TMEM243: variants seen among roughly 807,000 people sequenced by gnomAD.
The protein encoded by TMEM243 is MDR1 and mitochondrial taxol resistance associated.
Under a neutral mutation model 15.0 loss-of-function variants are expected in TMEM243, and 20 were observed. The observed-to-expected ratio is 1.33, with a 90% CI of 0.94 to 1.93. The LOEUF (loss-of-function observed/expected upper bound fraction) is 1.93, where lower values mean the gene tolerates loss of function less well. TMEM243 is among the 30% of genes most tolerant of loss of function. The probability of loss-of-function intolerance (pLI) is 0.00; values close to 1 mark genes in which losing one functional copy is unlikely to be tolerated. For missense variants in TMEM243, 156 were observed against 142.1 expected (o/e 1.10, Z -0.50); for synonymous variants, 72 against 52.7 (o/e 1.37, Z -1.59).
intron 1 of TMEM243, among the ~76,000 whole-genome samples, chr7:87,219,002 A>G (rs940242528): frequency 5.9e-5 from 9 of 152,074 alleles, no homozygotes; most frequent in Non-Finnish European, 8.8e-5. Context: ...CTGCTCAGCA[A>G]TGAACCCTTA....
chr7:87,218,706 A>G (rs1053959928), intron 1 of TMEM243: 1 of 152,226 alleles, frequency 6.6e-6, no homozygotes, highest in African/African-American at 2.4e-5. Context: ...CTGCACTGGG[A>G]CCAGCCAACC....
At chr7:87,209,001 G>A (rs1013976397) in intron 1 of TMEM243, among the ~76,000 whole-genome samples, 4 of 152,206 alleles carry the variant, frequency 2.6e-5, no homozygotes, top group Admixed American at 6.5e-5. Flanking sequence ...ACAAACTCAT[G>A]TTTTCTATCC....
At chr7:87,209,926 TGA>T (rs1429656609) in intron 1 of TMEM243, among the ~76,000 whole-genome samples, 1 of 95,108 alleles carries the variant, frequency 1.1e-5, no homozygotes, top group African/African-American at 4.2e-5. Context: ...GAGAGGACAG[TGA>T]GAGAGAAACA....
rs1225243743 is a variant in TMEM243, at chr7:87,197,715, T to A, written c.234+226A>T. On this transcript the variant is annotated intron_variant, in intron 3 of 3. Transcript: ENST00000257637. ...TTTTTTTTTTTTTTTTTTTTTTTTT[T>A]TAAGCTATCAAGGGAGTGGAATTTC... 4.2e-4 allele frequency: 117 copies of A among 276,138 alleles called. 2 individuals are homozygous for A. In the African/African-American group the frequency reaches 5.7e-3, roughly 13 times the overall value. The allele number at this position is 276,138 out of a possible 1,614,324, so 17.1% of individuals were successfully genotyped here.
rs1803358013 is a variant in TMEM243, at chr7:87,219,609, G to A, written c.-106C>T. 6 of 1,036,064 alleles carry A rather than the reference G, an allele frequency of 5.8e-6. No homozygotes were observed. Among genetic ancestry groups the A allele is most frequent in the Non-Finnish European group, 8.7e-6 (6 of 686,304 alleles). The allele number at this position is 1,036,064 out of a possible 1,614,324, so 64.2% of individuals were successfully genotyped here. ...GCCTCCTCCTCACGGCTCCCGCATAGCCGAACCCGAGTGGTCGGGGAAGCG... is the reference window on the plus strand; with the variant it reads ...GCCTCCTCCTCACGGCTCCCGCATAACCGAACCCGAGTGGTCGGGGAAGCG... On this transcript the variant is annotated 5_prime_UTR_variant, in exon 1 of 4. Coordinates refer to ENST00000257637, the MANE Select transcript of TMEM243 (RefSeq NM_024315.4).
chr7:87,213,010 G>A (rs956493948), intron 1 of TMEM243, among the ~76,000 whole-genome samples: 8 of 152,220 alleles, frequency 5.3e-5, no homozygotes, highest in Admixed American at 4.6e-4. Flanking sequence ...AGGTTCTAAA[G>A]TAGGGAATCA....
rs566203714 is a variant in TMEM243, at chr7:87,217,756, TAGTA to T, written c.78+1666_78+1669del. On this transcript the variant is annotated intron_variant, in intron 1 of 3. Coordinates refer to ENST00000257637, the MANE Select transcript of TMEM243 (RefSeq NM_024315.4). ...ATAATCCCAGTGTGATATATTCTTGTAGTAAGTAAGTACGCAATAAAAGATACAT... is the reference window on the plus strand; with the variant it reads ...ATAATCCCAGTGTGATATATTCTTGTAGTAAGTACGCAATAAAAGATACAT... Among the ~76,000 whole-genome samples the T allele has an allele frequency of 4.1e-3, 629 of 152,350 alleles. 1 individual carries two copies. The highest frequency in any genetic ancestry group is 6.8e-3 in the Middle Eastern group (2 of 294).
chr7:87,212,425 C>CCAACT (rs1377033354), intron 1 of TMEM243, among the ~76,000 whole-genome samples: 6 of 152,082 alleles, frequency 3.9e-5, no homozygotes, highest in Non-Finnish European at 8.8e-5. Context: ...AGCCTATGAG[C>CCAACT]CAACTATAAG....
At chr7:87,197,340 T>C (rs1801377945) in intron 3 of TMEM243, among the ~76,000 whole-genome samples, 1 of 152,078 alleles carries the variant, frequency 6.6e-6, no homozygotes, top group Non-Finnish European at 1.5e-5. Context: ...CTTTTGATTC[T>C]GCCTCTAAAG....
chr7:87,217,126 A>G (rs547806497), intron 1 of TMEM243, among the ~76,000 whole-genome samples: 12 of 152,212 alleles, frequency 7.9e-5, no homozygotes, highest in Non-Finnish European at 1.6e-4. Flanking sequence ...TTGAGAGGCT[A>G]TATGTGTCCG....
intron 1 of TMEM243, among the ~76,000 whole-genome samples, chr7:87,209,430 G>A (rs762701875): frequency 1.4e-4 from 21 of 151,890 alleles, no homozygotes; most frequent in Non-Finnish European, 2.1e-4. Context: ...GTGAAAGAGA[G>A]TGAGACAGAG....
At chr7:87,209,562 ATG>A (rs1227002612) in intron 1 of TMEM243, among the ~76,000 whole-genome samples, 1 of 111,538 alleles carries the variant, frequency 9.0e-6, no homozygotes, top group Non-Finnish European at 1.9e-5. Context: ...GAGAGAGACA[ATG>A]AGAGAGAGAC....
At chr7:87,198,139 CAT>C in intron 2 of TMEM243, 94 bp from the exon 3 acceptor site, 1 of 1,026,178 alleles carries the variant, frequency 9.7e-7, no homozygotes, top group Middle Eastern at 2.1e-4. Flanking sequence ...CAAAATGCTT[CAT>C]GTTATAAAAT....
intron 1 of TMEM243, among the ~76,000 whole-genome samples, chr7:87,199,938 G>A (rs1801660814): frequency 6.6e-6 from 1 of 152,128 alleles, no homozygotes; most frequent in East Asian, 1.9e-4. Context: ...AGTCTTTAAC[G>A]AATCAGTCGT....
chr7:87,211,631 C>G (rs1342480786), intron 1 of TMEM243, among the ~76,000 whole-genome samples: 1 of 152,120 alleles, frequency 6.6e-6, no homozygotes, highest in Admixed American at 6.5e-5. Flanking sequence ...AAAAGCATAA[C>G]GAGAGGATGC....
chr7:87,209,784 CAGTG>C lies in TMEM243; in HGVS notation c.78+9638_78+9641del, dbSNP rs1270673263. Among the ~76,000 whole-genome samples the C allele has an allele frequency of 2.6e-3, 250 of 94,354 alleles. 3 individuals carry two copies. The highest frequency in any genetic ancestry group is 9.0e-3 in the South Asian group (24 of 2,652). The allele number at this position is 94,354 out of a possible 152,430, so 61.9% of individuals were successfully genotyped here. A position where few individuals can be genotyped will look rare whatever the true frequency, so the allele number is the denominator to read the frequency against. On this transcript the variant is annotated intron_variant, in intron 1 of 3. Transcript: ENST00000257637. Reference sequence around the variant, plus strand: ...ACAGTGAGAGCGAGACAGAGCGAGACAGTGAGAGCGAGACAGAGCGAGAGACAGT... The same window carrying C: ...ACAGTGAGAGCGAGACAGAGCGAGACAGAGCGAGACAGAGCGAGAGACAGT...
chr7:87,209,890 GAC>G (rs1190510946), intron 1 of TMEM243, among the ~76,000 whole-genome samples: 3 of 142,908 alleles, frequency 2.1e-5, no homozygotes, highest in Admixed American at 6.9e-5. Flanking sequence ...GAGCGTGAGA[GAC>G]AGTGAGAGAG....
chr7:87,202,861 C>T (rs913888307), intron 1 of TMEM243: 3 of 152,212 alleles, frequency 2.0e-5, no homozygotes, highest in African/African-American at 7.2e-5. Flanking sequence ...TACCTGGTCC[C>T]TTTCAGTTCT....
At chr7:87,218,590 C>CT (rs111773197) in intron 1 of TMEM243, 2,993 of 143,938 alleles carry the variant, frequency 0.021, 30 homozygotes, top group African/African-American at 0.04. Flanking sequence ...ACCAATGCCA[C>CT]TTTTTTTTTT....
Sources: allele counts gnomAD v4.1 joint callset (sites outside exome capture counted in the v4.1 genomes callset), GRCh38; gene constraint gnomAD v4.1.1; transcripts MANE v1.5; gene names NCBI Gene and HGNC (gene_info 2026-07-23, HGNC 2026-07-21).